Variants in NCKAP1 observed in about 807,000 individuals in gnomAD.
NCKAP1 encodes the protein nck-associated protein 1.
NCKAP1 carries 21 observed loss-of-function variants against 151.2 expected under a neutral mutation model. The ratio of observed to expected loss-of-function variants is 0.14; its 90% CI spans 0.10 to 0.20. The LOEUF is 0.20. NCKAP1 is among the 10% of genes least tolerant of loss of function. The pLI, the probability that NCKAP1 is intolerant of heterozygous loss-of-function variation, is 1.00. For missense variants in NCKAP1, 933 were observed against 1,352.1 expected (o/e 0.69, Z 4.86); for synonymous variants, 484 against 451.8 (o/e 1.07, Z -0.90).
intron 16 of NCKAP1, among the ~76,000 whole-genome samples, chr2:182,965,871 T>TA: frequency 6.6e-6 from 1 of 152,284 alleles, no homozygotes; most frequent in Non-Finnish European, 1.5e-5. Flanking sequence ...GGGCTCCACA[T>TA]AATCTTAAAA....
chr2:183,018,843 A>G (rs1411658025), intron 2 of NCKAP1, among the ~76,000 whole-genome samples: 1 of 152,200 alleles, frequency 6.6e-6, no homozygotes, highest in Non-Finnish European at 1.5e-5. Context: ...ACTAGGGATA[A>G]AACATTTTTA....
At chr2:182,981,421 A>G (rs1697936871) in intron 12 of NCKAP1, 45 bp from the exon 13 acceptor site, 2 of 1,431,878 alleles carry the variant, frequency 1.4e-6, no homozygotes, top group Non-Finnish European at 1.9e-6. Context: ...TAAATTCATC[A>G]TTATTAAAGA....
chr2:183,023,338 T>C (rs1342026514), intron 2 of NCKAP1, among the ~76,000 whole-genome samples: 1 of 152,166 alleles, frequency 6.6e-6, no homozygotes, highest in Non-Finnish European at 1.5e-5. Context: ...ATCATTTACT[T>C]GTACTATTTA....
intron 17 of NCKAP1, 115 bp from the exon 18 acceptor site, chr2:182,962,393 G>C (rs1697473837): frequency 3.1e-6 from 3 of 968,606 alleles, no homozygotes; most frequent in African/African-American, 1.6e-5. Flanking sequence ...CAATAGTGAG[G>C]GTGGGAGATG....
chr2:182,965,286 A>AT (rs1439785055), intron 16 of NCKAP1, among the ~76,000 whole-genome samples: 1 of 151,236 alleles, frequency 6.6e-6, no homozygotes, highest in Non-Finnish European at 1.5e-5. Context: ...AGAAAAAAAA[A>AT]ACATTGCCAA....
chr2:182,967,511 G>A, intron 15 of NCKAP1, 150 bp from the exon 16 acceptor site: 1 of 682,448 alleles, frequency 1.5e-6, no homozygotes, highest in Non-Finnish European at 2.4e-6. Flanking sequence ...TGTCTGTAGT[G>A]ACCCTACCTT....
chr2:182,932,302 A>G (rs919924577), intron 26 of NCKAP1, among the ~76,000 whole-genome samples: 1 of 152,192 alleles, frequency 6.6e-6, no homozygotes, highest in Non-Finnish European at 1.5e-5. Context: ...TAAAAAAAGT[A>G]CTGATATATG....
At position 182,986,646 on chromosome 2, in the gene NCKAP1, A is replaced by G. The variant is rs138617833; in HGVS notation, c.948-419T>C. 9.5e-3 allele frequency among the ~76,000 whole-genome samples: 1,439 copies of G among 152,272 alleles called. 23 individuals are homozygous for G. The highest frequency in any genetic ancestry group is 0.033 in the African/African-American group (1,374 of 41,558). On this transcript the variant is annotated intron_variant, in intron 9 of 30. Coordinates refer to ENST00000361354, the MANE Select transcript of NCKAP1 (RefSeq NM_013436.5). ...TTAAGCATGAAAAAATTCTGAAAGG[A>G]TATATATTAGTGATCAAAAGTAATG...
intron 23 of NCKAP1, among the ~76,000 whole-genome samples, chr2:182,948,079 T>C (rs1697143905): frequency 6.6e-6 from 1 of 152,090 alleles, no homozygotes. Flanking sequence ...ATTAACCTTG[T>C]TTTGAAGAAC....
In NCKAP1 at chr2:182,987,363, A is replaced by AG. The variant is rs1698077733; in HGVS notation, c.948-1137_948-1136insC. On this transcript the variant is annotated intron_variant, in intron 9 of 30. Coordinates refer to ENST00000361354, the MANE Select transcript of NCKAP1 (RefSeq NM_013436.5). The stretch of plus-strand genomic sequence containing the variant: ...TTTGAGCAAATTTCCAAAATATAAT[A>AG]ATTCTGTAATCATCACCCTCTATAA... 1.2e-4 allele frequency among the ~76,000 whole-genome samples: 19 copies of AG among 152,312 alleles called. No homozygotes were observed. The South Asian group carries it at 3.9e-3, about 32-fold the overall frequency.
chr2:182,946,226 C>T (rs897854070), intron 23 of NCKAP1, among the ~76,000 whole-genome samples: 5 of 152,126 alleles, frequency 3.3e-5, no homozygotes, highest in Non-Finnish European at 5.9e-5. Flanking sequence ...GGTGAAACCC[C>T]GTCTCTACTA....
chr2:183,017,454 G>A (rs1039193554), intron 2 of NCKAP1, among the ~76,000 whole-genome samples: 1 of 152,006 alleles, frequency 6.6e-6, no homozygotes, highest in Non-Finnish European at 1.5e-5. Flanking sequence ...TAGATCCCTC[G>A]TGTGCACAGT....
intron 24 of NCKAP1, among the ~76,000 whole-genome samples, chr2:182,937,071 C>T (rs146008270): frequency 0.064 from 7,908 of 124,202 alleles, 288 homozygotes; most frequent in Middle Eastern, 0.13. Flanking sequence ...GCCAAGATCT[C>T]GCCACTGCAC....
chr2:182,913,327 A>G lies in NCKAP1; in HGVS notation c.*12375T>C, dbSNP rs1322326907. On this transcript the variant is annotated 3_prime_UTR_variant, in exon 31 of 31. Coordinates refer to ENST00000361354, the MANE Select transcript of NCKAP1 (RefSeq NM_013436.5). ...TGGTCCCCAGTGCAGCAGTGTTGAG[A>G]GGTGGGACTTCTGGGAGGTGATTGG... 1.3e-5 allele frequency: 2 copies of G among 152,238 alleles called. No homozygotes were observed. The highest frequency in any genetic ancestry group is 2.4e-5 in the African/African-American group (1 of 41,448). 9.4% of individuals were successfully genotyped at this position (152,238 alleles called of 1,614,324 possible). A position where few individuals can be genotyped will look rare whatever the true frequency, so the allele number is the denominator to read the frequency against.
chr2:183,033,204 C>G (rs889168770), intron 1 of NCKAP1, among the ~76,000 whole-genome samples: 6 of 152,290 alleles, frequency 3.9e-5, no homozygotes, highest in Non-Finnish European at 7.4e-5. Context: ...AGTATCATAC[C>G]ACTTCCTACT....
In NCKAP1 at chr2:182,916,208, C is replaced by A. The variant is rs984003370; in HGVS notation, c.*9494G>T. On this transcript the variant is annotated 3_prime_UTR_variant, in exon 31 of 31. Transcript: ENST00000361354. ...AAAAAAAAACATGTCTCTGTGTCATCACTGAGCTGCTGCTATTACAGGTGT... is the reference window on the plus strand; with the variant it reads ...AAAAAAAAACATGTCTCTGTGTCATAACTGAGCTGCTGCTATTACAGGTGT... 7.6e-5 allele frequency: 11 copies of A among 145,164 alleles called. No homozygotes were observed. Among genetic ancestry groups the A allele is most frequent in the African/African-American group, 2.8e-4 (11 of 39,996 alleles). 9.0% of individuals were successfully genotyped at this position (145,164 alleles called of 1,614,324 possible).
chr2:182,995,589 C>G, intron 7 of NCKAP1, 112 bp downstream of exon 7: 6 of 1,016,900 alleles, frequency 5.9e-6, no homozygotes, highest in Non-Finnish European at 8.5e-6. Flanking sequence ...TTATAATGAA[C>G]TTCAACTAAT....
rs1447375476 is a variant in NCKAP1, at chr2:182,922,666, A to T, written c.*3036T>A. On this transcript the variant is annotated 3_prime_UTR_variant, in exon 31 of 31. Transcript: ENST00000361354. The stretch of plus-strand genomic sequence containing the variant: ...TTCTTCTAACACTTTCTTCTAAAGT[A>T]GTTTCACCACTGCCTCCCCACATTA... 1.3e-5 allele frequency: 2 copies of T among 152,330 alleles called. No homozygotes were observed. Among genetic ancestry groups the T allele is most frequent in the Non-Finnish European group, 2.9e-5 (2 of 68,130 alleles). The allele number at this position is 152,330 out of a possible 1,614,324, so 9.4% of individuals were successfully genotyped here.
rs141279219 is a variant in NCKAP1 at position 183,017,978 on chromosome 2, G to A, written c.219+5828C>T. Among the ~76,000 whole-genome samples the A allele has an allele frequency of 1.7e-3, 266 of 152,248 alleles. 1 individual carries two copies. The highest frequency in any genetic ancestry group is 6.1e-3 in the African/African-American group (255 of 41,530). ...AGAATAAAGATACCTGGCCGGGTGC[G>A]GTGGCTCATGCCTGTAATCCAGCAC... On this transcript the variant is annotated intron_variant, in intron 2 of 30. Coordinates refer to ENST00000361354, the MANE Select transcript of NCKAP1 (RefSeq NM_013436.5).
Sources: allele counts gnomAD v4.1 joint callset (sites outside exome capture counted in the v4.1 genomes callset), GRCh38; gene constraint gnomAD v4.1.1; transcripts MANE v1.5; gene names NCBI Gene and HGNC (gene_info 2026-07-23, HGNC 2026-07-21).